The following TBC1D8 variants were observed in gnomAD, a reference collection of about 807,000 sequenced individuals.
TBC1D8 encodes the protein TBC1 domain family member 8.
In TBC1D8, 65 loss-of-function variants were observed where a neutral mutation model predicts 118.8. The observed-to-expected ratio is 0.55, with a 90% CI of 0.45 to 0.67. The LOEUF is 0.67. Ranked by LOEUF, TBC1D8 falls within the 30% of genes least tolerant of loss-of-function variation. The probability of loss-of-function intolerance (pLI) is 0.00; values close to 1 mark genes in which losing one functional copy is unlikely to be tolerated. For synonymous variants in TBC1D8, 566 were observed against 595.8 expected, an observed-to-expected ratio of 0.95 and a Z score of 0.73; for missense variants, 1,376 against 1,471.2, an observed-to-expected ratio of 0.94 and a Z score of 1.06.
intron 1 of TBC1D8, among the ~76,000 whole-genome samples, chr2:101,143,413 C>T (rs1161412481): frequency 6.6e-6 from 1 of 151,968 alleles, no homozygotes; most frequent in African/African-American, 2.4e-5. Context: ...TAATAAAATC[C>T]AGTAGAATGA....
intron 1 of TBC1D8, among the ~76,000 whole-genome samples, chr2:101,149,729 T>C (rs557707040): frequency 1.3e-5 from 2 of 152,272 alleles, no homozygotes; most frequent in East Asian, 3.9e-4. Flanking sequence ...CCCACCTCCA[T>C]TTCCTGAGAG....
intron 1 of TBC1D8, among the ~76,000 whole-genome samples, chr2:101,094,064 C>A (rs1442717891): frequency 6.6e-6 from 1 of 152,056 alleles, no homozygotes; most frequent in Non-Finnish European, 1.5e-5. Flanking sequence ...CCAGCAGAGG[C>A]CCTCTTCACC....
chr2:101,107,835 C>T (rs773684009), intron 1 of TBC1D8, among the ~76,000 whole-genome samples: 4 of 152,118 alleles, frequency 2.6e-5, no homozygotes, highest in Non-Finnish European at 5.9e-5. Context: ...ATTGAAGAAA[C>T]TGACAAATAC....
chr2:101,075,612 C>T (rs139835111), intron 2 of TBC1D8, among the ~76,000 whole-genome samples: 64 of 152,304 alleles, frequency 4.2e-4, no homozygotes, highest in African/African-American at 1.5e-3. Flanking sequence ...TTCCTCTTTG[C>T]TCAGCACTTC....
chr2:101,089,710 G>T (rs868228580), intron 2 of TBC1D8, among the ~76,000 whole-genome samples: 1 of 152,066 alleles, frequency 6.6e-6, no homozygotes, highest in South Asian at 2.1e-4. Flanking sequence ...AATAGGAGAA[G>T]ACTGCCCTGA....
At chr2:101,035,696 C>T (rs908604438) in intron 9 of TBC1D8, among the ~76,000 whole-genome samples, 1 of 152,178 alleles carries the variant, frequency 6.6e-6, no homozygotes, top group Non-Finnish European at 1.5e-5. Flanking sequence ...ACACTATAGA[C>T]ACTTCACTTC....
intron 5 of TBC1D8, among the ~76,000 whole-genome samples, chr2:101,044,550 G>A (rs1681583095): frequency 1.3e-5 from 2 of 152,144 alleles, no homozygotes; most frequent in South Asian, 2.1e-4. Context: ...CCGTAGAGAA[G>A]AACAGACATT....
At chr2:101,085,990 A>C (rs1423653154) in intron 2 of TBC1D8, among the ~76,000 whole-genome samples, 2 of 151,994 alleles carry the variant, frequency 1.3e-5, no homozygotes, top group African/African-American at 4.8e-5. Context: ...AAATACAAAA[A>C]AATTAGCTGG....
chr2:101,043,420 C>T (rs1043294089), intron 5 of TBC1D8, among the ~76,000 whole-genome samples: 4 of 152,238 alleles, frequency 2.6e-5, no homozygotes, highest in African/African-American at 7.2e-5. Context: ...GTAAAATCAA[C>T]CCTTACTCCC....
intron 2 of TBC1D8, among the ~76,000 whole-genome samples, chr2:101,073,295 TATTTA>T (rs1445675366): frequency 2.0e-4 from 27 of 132,502 alleles, no homozygotes; most frequent in African/African-American, 7.8e-4. Context: ...TATTTTATTT[TATTTA>T]TTTTTTTTTT....
chr2:101,096,492 T>A (rs1026227437), intron 1 of TBC1D8, among the ~76,000 whole-genome samples: 1 of 141,462 alleles, frequency 7.1e-6, no homozygotes, highest in East Asian at 2.1e-4. Flanking sequence ...AAAGTAAGCA[T>A]TGGAATGAAA....
chr2:101,011,044 C>T lies in TBC1D8; in HGVS notation c.2918-18G>A. 2 of 1,601,328 alleles carry T rather than the reference C, an allele frequency of 1.2e-6. No homozygotes were observed. The highest frequency in any genetic ancestry group is 1.7e-6 in the Non-Finnish European group (2 of 1,175,438). The stretch of plus-strand genomic sequence containing the variant: ...TGCATCACCTTGAAACAAAGGAAAA[C>T]AATATGTGGTTTAATTTAAATAAAT... On this transcript the variant is annotated intron_variant, in intron 18 of 19. Transcript: ENST00000409318.
chr2:101,011,567 TAAAC>T (rs1329128122), intron 17 of TBC1D8, 27 bp from the exon 18 acceptor site: 1 of 1,611,840 alleles, frequency 6.2e-7, no homozygotes, highest in Non-Finnish European at 8.5e-7. Context: ...AGGTTTAAAT[TAAAC>T]AAATTTTCTG....
intron 1 of TBC1D8, among the ~76,000 whole-genome samples, chr2:101,148,380 C>T (rs1679405872): frequency 6.6e-6 from 1 of 152,162 alleles, no homozygotes; most frequent in South Asian, 2.1e-4. Context: ...AACAAATATG[C>T]TGGGTACTAT....
chr2:101,148,884 GCA>G (rs1359885117), intron 1 of TBC1D8, among the ~76,000 whole-genome samples: 1 of 152,042 alleles, frequency 6.6e-6, no homozygotes, highest in African/African-American at 2.4e-5. Context: ...CATTAGAATT[GCA>G]CATTTTCCAA....
intron 19 of TBC1D8, among the ~76,000 whole-genome samples, chr2:101,009,481 T>C (rs1679023724): frequency 6.6e-6 from 1 of 152,046 alleles, no homozygotes; most frequent in African/African-American, 2.4e-5. Flanking sequence ...GATCCATGGT[T>C]ATTCTGAAAG....
At chr2:101,047,257 C>G (rs902294684) in intron 5 of TBC1D8, among the ~76,000 whole-genome samples, 1 of 152,212 alleles carries the variant, frequency 6.6e-6, no homozygotes, top group Non-Finnish European at 1.5e-5. Flanking sequence ...CACCCCCTAC[C>G]CTCCCTGCTC....
chr2:101,118,326 A>C (rs1677923426), intron 1 of TBC1D8, among the ~76,000 whole-genome samples: 1 of 152,200 alleles, frequency 6.6e-6, no homozygotes, highest in Non-Finnish European at 1.5e-5. Context: ...GAATAAAAGG[A>C]ATCCACATTG....
chr2:101,089,612 T>C (rs1468074382), intron 2 of TBC1D8, among the ~76,000 whole-genome samples: 2 of 152,066 alleles, frequency 1.3e-5, no homozygotes, highest in African/African-American at 4.8e-5. Flanking sequence ...AGCTGTCCAG[T>C]GACTCATTCT....
Sources: allele counts gnomAD v4.1 joint callset (sites outside exome capture counted in the v4.1 genomes callset), GRCh38; gene constraint gnomAD v4.1.1; transcripts MANE v1.5; gene names NCBI Gene and HGNC (gene_info 2026-07-23, HGNC 2026-07-21).